PARVG: variants seen among roughly 807,000 people sequenced by gnomAD.
PARVG encodes the protein gamma-parvin.
Under a neutral mutation model 44.4 loss-of-function variants are expected in PARVG, and 36 were observed. The ratio of observed to expected loss-of-function variants is 0.81; its 90% CI spans 0.62 to 1.07. PARVG has a LOEUF of 1.07. PARVG is among the 50% of genes least tolerant of loss of function. PARVG has a pLI of 0.00. For synonymous variants in PARVG, 170 were observed against 174.1 expected (o/e 0.98, Z 0.19); for missense variants, 407 against 407.4 (o/e 1.00, Z 0.01).
upstream of PARVG, among the ~76,000 whole-genome samples, chr22:44,177,907 T>G (rs1035646831): frequency 6.6e-6 from 1 of 152,168 alleles, no homozygotes; most frequent in Non-Finnish European, 1.5e-5. Context: ...TTTATCAAAT[T>G]TGTACACTAA....
chr22:44,206,054 G>A (rs996549286), intron 13 of PARVG, among the ~76,000 whole-genome samples: 1 of 152,186 alleles, frequency 6.6e-6, no homozygotes, highest in Non-Finnish European at 1.5e-5. Context: ...TCTGGGGACA[G>A]GTTGTCCAGA....
At chr22:44,176,047 G>T (rs1042559288), upstream of PARVG, among the ~76,000 whole-genome samples, 1 of 152,150 alleles carries the variant, frequency 6.6e-6, no homozygotes, top group Non-Finnish European at 1.5e-5. Context: ...TGATGTTCTC[G>T]ATGGCTTTGG....
chr22:44,181,918 G>T lies in PARVG; in HGVS notation c.-13+1G>T. ...GTTTTCCTGCGTGGAAAGCGGTTGGGTGAGTTCTGGCATCGGGGCCACCAT... is the reference window on the plus strand; with the variant it reads ...GTTTTCCTGCGTGGAAAGCGGTTGGTTGAGTTCTGGCATCGGGGCCACCAT... On this transcript the variant is annotated splice_donor_variant, in intron 2 of 13. Transcript: ENST00000444313. LOFTEE classifies it low-confidence loss of function (5UTR_SPLICE). The T allele has an allele frequency of 1.0e-6, 1 of 985,524 alleles. No individual in the cohort carries two copies. Among genetic ancestry groups the T allele is most frequent in the Non-Finnish European group, 1.2e-6 (1 of 830,120 alleles). 61.0% of individuals were successfully genotyped at this position (985,524 alleles called of 1,614,324 possible).
Position 44,181,803 on chromosome 22 carries a change from T to A in PARVG, c.-127T>A, listed in dbSNP as rs2272941. ...GGAAGTGAGCAGCGGGGCTCCTGCC[T>A]CCCGGCCTGGTCCCCGAAGACCCCA... On this transcript the variant is annotated 5_prime_UTR_variant, in exon 2 of 14. Coordinates refer to ENST00000444313, the MANE Select transcript of PARVG (RefSeq NM_022141.7). 0.1 allele frequency: 101,172 copies of A among 985,366 alleles called. 5,483 individuals are homozygous for A. Among genetic ancestry groups the A allele is most frequent in the East Asian group, 0.19 (1,656 of 8,794 alleles). 61.0% of individuals were successfully genotyped at this position (985,366 alleles called of 1,614,324 possible). A position where few individuals can be genotyped will look rare whatever the true frequency, so the allele number is the denominator to read the frequency against.
chr22:44,173,870 G>T lies in PARVG; in HGVS notation c.-189+679G>T, dbSNP rs373914014. ...GACAGGCTCCCTTCTCCCCAGCAAA[G>T]AATCACCGGGCCCCCCTGTGCACTG... On this transcript the variant is annotated intron_variant, in intron 1 of 13. Coordinates refer to the PARVG transcript ENST00000422871. 1.1e-3 allele frequency among the ~76,000 whole-genome samples: 171 copies of T among 152,306 alleles called. 2 individuals carry two copies. Among genetic ancestry groups the T allele is most frequent in the South Asian group, 5.8e-3 (28 of 4,830 alleles).
upstream of PARVG, among the ~76,000 whole-genome samples, chr22:44,179,314 A>G (rs760449096): frequency 1.2e-4 from 18 of 152,310 alleles, no homozygotes; most frequent in Non-Finnish European, 5.9e-5. This position sits in a 1 kb window ranked among gnomAD's most constrained non-coding sequence, Gnocchi z 4.2. Context: ...TCCACACCAT[A>G]CAGGATTAGA....
intron 11 of PARVG, among the ~76,000 whole-genome samples, chr22:44,198,075 A>T (rs2054641496): frequency 6.6e-6 from 1 of 152,246 alleles, no homozygotes; most frequent in Non-Finnish European, 1.5e-5. Flanking sequence ...AGCAGACTTA[A>T]TATGAGGAAA....
At chr22:44,175,555 T>A (rs2054311089) in intron 1 of PARVG, among the ~76,000 whole-genome samples, 1 of 152,250 alleles carries the variant, frequency 6.6e-6, no homozygotes, top group South Asian at 2.1e-4. Flanking sequence ...CATCATCATC[T>A]TCACCAGGGT....
At chr22:44,202,691 C>T (rs372325085) in intron 12 of PARVG, among the ~76,000 whole-genome samples, 3 of 152,208 alleles carry the variant, frequency 2.0e-5, no homozygotes, top group African/African-American at 7.2e-5. Flanking sequence ...CTGAGGAGGG[C>T]GGGAACACCA....
At chr22:44,188,935 A>G in intron 5 of PARVG, 179 bp from the exon 6 acceptor site, 1 of 636,344 alleles carries the variant, frequency 1.6e-6, no homozygotes, top group South Asian at 2.7e-5. Context: ...GGTCTCCTGG[A>G]AGCTGGAGGG....
Position 44,198,724 on chromosome 22 carries a change from T to A in PARVG, c.813+2T>A. On this transcript the variant is annotated splice_donor_variant, in intron 12 of 13. Coordinates refer to ENST00000444313, the MANE Select transcript of PARVG (RefSeq NM_022141.7). LOFTEE classifies it high-confidence loss of function. The stretch of plus-strand genomic sequence containing the variant: ...ACTCCCAACTCTCCTGCAGAAATGG[T>A]AAGTTTTCCAAGGATTTTTCTTTAT... 1 of 1,602,584 alleles carries A rather than the reference T, an allele frequency of 6.2e-7. No homozygotes were observed. Among genetic ancestry groups the A allele is most frequent in the South Asian group, 1.1e-5 (1 of 90,904 alleles).
intron 4 of PARVG, chr22:44,186,083 C>T (rs2054464983): frequency 2.2e-5 from 9 of 410,868 alleles, no homozygotes; most frequent in South Asian, 2.0e-4. Context: ...CAACTGTGTG[C>T]CTTCACATAC....
intron 7 of PARVG, 22 bp from the exon 8 acceptor site, chr22:44,192,027 C>A (rs758400709): frequency 2.0e-5 from 33 of 1,610,422 alleles, no homozygotes; most frequent in Non-Finnish European, 2.8e-5. Context: ...TATTTAATTT[C>A]TTCCCCCTTT....
chr22:44,196,002 A>T, intron 9 of PARVG, 153 bp from the exon 10 acceptor site: 1 of 771,758 alleles, frequency 1.3e-6, no homozygotes, highest in Admixed American at 2.5e-5. Context: ...CAGTGACTCA[A>T]ATCCAGGTCT....
intron 12 of PARVG, among the ~76,000 whole-genome samples, chr22:44,199,194 C>T (rs1486228416): frequency 6.6e-6 from 1 of 151,370 alleles, no homozygotes; most frequent in Admixed American, 6.6e-5. Context: ...TTCATCTACC[C>T]AGTCCATCCA....
rs547261421 is a variant in PARVG at position 44,203,664 on chromosome 22, G to A, written c.814-2093G>A. ...CAAATAATATTCGTGATGAGAATGC[G>A]AACAATAGCAACAATTGCAACCCTA... On this transcript the variant is annotated intron_variant, in intron 12 of 13. Transcript: ENST00000444313. Among the ~76,000 whole-genome samples, 33 of 152,298 alleles carry A rather than the reference G, an allele frequency of 2.2e-4. 1 individual carries two copies. Among genetic ancestry groups the A allele is most frequent in the Admixed American group, 2.0e-3 (30 of 15,290 alleles).
rs766301969 is a variant in PARVG, at chr22:44,206,381, G to A, written c.951G>A (p.Thr317=). Residue 317 remains threonine (T), a synonymous_variant, in exon 14 of 14, where the codon ACG becomes ACA. Coordinates refer to ENST00000444313, the MANE Select transcript of PARVG (RefSeq NM_022141.7). ...RVLYGLFCKH[T]QKAHRDRTPH... ...TCTATGGTCTGTTCTGCAAGCACAC[G>A]CAGAAGGCACACAGGGACAGGACGC... 13 of 1,613,920 alleles carry A rather than the reference G, an allele frequency of 8.1e-6. No individual in the cohort carries two copies. Among genetic ancestry groups the A allele is most frequent in the Admixed American group, 3.3e-5 (2 of 60,002 alleles).
chr22:44,204,223 T>C (rs535692437), intron 12 of PARVG, among the ~76,000 whole-genome samples: 36 of 152,302 alleles, frequency 2.4e-4, no homozygotes, highest in Middle Eastern at 6.8e-3. Context: ...CTCCTTTCCA[T>C]CTGGGACCCG....
At chr22:44,192,205 G>A (rs2054557792) in intron 8 of PARVG, 101 bp downstream of exon 8, 2 of 1,355,678 alleles carry the variant, frequency 1.5e-6, no homozygotes, top group Admixed American at 4.0e-5. Flanking sequence ...TTGTGGGAAG[G>A]GCCCTCACAT....
Sources: allele counts gnomAD v4.1 joint callset (sites outside exome capture counted in the v4.1 genomes callset), GRCh38; gene constraint gnomAD v4.1.1; non-coding constraint Gnocchi (gnomAD v3.1); transcripts MANE v1.5; gene names NCBI Gene and HGNC (gene_info 2026-07-23, HGNC 2026-07-21).